FAM184A: variants seen among roughly 807,000 people sequenced by gnomAD.
The protein encoded by FAM184A is family with sequence similarity 184 member A.
FAM184A carries 99 observed loss-of-function variants against 143.8 expected under a neutral mutation model. That is an observed-to-expected ratio of 0.69 (90% CI 0.58 to 0.81). The LOEUF (loss-of-function observed/expected upper bound fraction) is 0.81, where lower values mean the gene tolerates loss of function less well. Among genes scored for constraint, FAM184A ranks in the 40% least tolerant of loss-of-function variants. The pLI is 0.00. For missense variants in FAM184A, 1,217 were observed against 1,310.5 expected, an observed-to-expected ratio of 0.93 and a Z score of 1.10; for synonymous variants, 427 against 446.4, an observed-to-expected ratio of 0.96 and a Z score of 0.55.
intron 9 of FAM184A, among the ~76,000 whole-genome samples, chr6:118,985,943 A>G (rs1784179309): frequency 6.6e-6 from 1 of 152,212 alleles, no homozygotes; most frequent in Admixed American, 6.5e-5. Context: ...TTTTAATTAT[A>G]TGATTTATTT....
At chr6:118,960,339 C>A (rs1238699959) in intron 17 of FAM184A, among the ~76,000 whole-genome samples, 155 bp from the exon 18 acceptor site, 3 of 152,170 alleles carry the variant, frequency 2.0e-5, no homozygotes, top group Non-Finnish European at 2.9e-5. Flanking sequence ...ATACTAGAAT[C>A]GGTTCTCCAC....
chr6:119,112,295 A>C (rs924921846), intron 1 of FAM184A, among the ~76,000 whole-genome samples: 3 of 151,790 alleles, frequency 2.0e-5, no homozygotes, highest in Admixed American at 6.6e-5. Flanking sequence ...TGCCCGGCTA[A>C]TTTTGTATTT....
At position 118,961,853 on chromosome 6, in the gene FAM184A, G is replaced by A; in HGVS notation, c.3249C>T (p.Pro1083=). The change falls in exon 17 of 18, where the codon CCC becomes CCT. Residue 1083 remains proline, a synonymous_variant. Transcript: ENST00000338891. ...VGNGHPNRLD[P]IPNSPVHDIE... is the part of the protein sequence containing the mutation. Reference sequence around the variant, plus strand: ...TATCGTGGACTGGAGAATTAGGAATGGGATCCAGGCGGTTAGGATGTCCAT... The same window carrying A: ...TATCGTGGACTGGAGAATTAGGAATAGGATCCAGGCGGTTAGGATGTCCAT... The A allele has an allele frequency of 6.2e-7, 1 of 1,613,850 alleles. No homozygotes were observed. Among genetic ancestry groups the A allele is most frequent in the Non-Finnish European group, 8.5e-7 (1 of 1,179,840 alleles).
chr6:118,996,680 G>A (rs1784556251), intron 9 of FAM184A, among the ~76,000 whole-genome samples: 1 of 152,010 alleles, frequency 6.6e-6, no homozygotes, highest in Non-Finnish European at 1.5e-5. Flanking sequence ...TCACTGCTTA[G>A]GGAACCTGTC....
Position 119,073,058 on chromosome 6 carries a change from A to G in FAM184A, c.159+5083T>C, listed in dbSNP as rs111332745. On this transcript the variant is annotated intron_variant, in intron 1 of 17. Coordinates refer to ENST00000338891, the MANE Select transcript of FAM184A (RefSeq NM_024581.6). ...CAGTCCCTAGAGCTGAGAACCTTAC[A>G]GTCAAATTATGAAAACAAAGTATAT... 1.7e-4 allele frequency among the ~76,000 whole-genome samples: 26 copies of G among 152,352 alleles called. 1 individual carries two copies. The highest frequency in any genetic ancestry group is 6.3e-4 in the African/African-American group (26 of 41,574).
intron 5 of FAM184A, among the ~76,000 whole-genome samples, chr6:119,012,964 G>A (rs12213597): frequency 0.13 from 19,537 of 152,148 alleles, 1,468 homozygotes; most frequent in Non-Finnish European, 0.17. Context: ...AATAGAAGTC[G>A]TCTTCAGCTA....
At chr6:119,046,942 A>G (rs1055689500) in intron 1 of FAM184A, among the ~76,000 whole-genome samples, 21 of 152,256 alleles carry the variant, frequency 1.4e-4, no homozygotes, top group Non-Finnish European at 2.6e-4. Context: ...AAGTGAAGAG[A>G]CAACCCACAG....
chr6:119,091,475 AC>A (rs1319885928), intron 1 of FAM184A, among the ~76,000 whole-genome samples: 1 of 152,220 alleles, frequency 6.6e-6, no homozygotes, highest in African/African-American at 2.4e-5. Flanking sequence ...CAGTTCAGCA[AC>A]TTGTGGATAC....
intron 3 of FAM184A, among the ~76,000 whole-genome samples, chr6:119,020,575 T>G (rs1178810700): frequency 6.6e-6 from 1 of 152,198 alleles, no homozygotes; most frequent in Non-Finnish European, 1.5e-5. Context: ...AATGAGTGAT[T>G]CGTTCTTTTC....
At chr6:118,986,811 C>T (rs2114599736) in intron 9 of FAM184A, among the ~76,000 whole-genome samples, 1 of 152,232 alleles carries the variant, frequency 6.6e-6, no homozygotes, top group African/African-American at 2.4e-5. Flanking sequence ...CCAATTAGCA[C>T]ATATGTCAAA....
chr6:119,133,632 T>C (rs1789590478), intron 1 of FAM184A, among the ~76,000 whole-genome samples: 1 of 151,984 alleles, frequency 6.6e-6, no homozygotes, highest in South Asian at 2.1e-4. Flanking sequence ...GGGTGTGATG[T>C]GGGCAAAGTG....
At chr6:118,977,740 A>G (rs1302514644) in intron 11 of FAM184A, among the ~76,000 whole-genome samples, 2 of 152,200 alleles carry the variant, frequency 1.3e-5, no homozygotes, top group Non-Finnish European at 2.9e-5. Context: ...AACATGAGTC[A>G]TCTTCATGGT....
intron 9 of FAM184A, among the ~76,000 whole-genome samples, chr6:119,000,791 C>T (rs931795808): frequency 2.6e-5 from 4 of 152,164 alleles, no homozygotes; most frequent in African/African-American, 7.2e-5. Flanking sequence ...CTATTCCTGT[C>T]TTACTCCTTT....
At chr6:119,067,922 T>A (rs181719696) in intron 1 of FAM184A, among the ~76,000 whole-genome samples, 74 of 152,204 alleles carry the variant, frequency 4.9e-4, no homozygotes, top group African/African-American at 1.7e-3. Context: ...CAGCAAGCTA[T>A]GATGGCACCC....
chr6:119,144,500 C>T (rs2114896123), intron 1 of FAM184A, among the ~76,000 whole-genome samples: 1 of 152,360 alleles, frequency 6.6e-6, no homozygotes, highest in Middle Eastern at 3.4e-3. Context: ...CACTCTGCCA[C>T]TGTTAGTCCA....
intron 9 of FAM184A, among the ~76,000 whole-genome samples, chr6:118,997,646 A>G (rs537352529): frequency 6.6e-6 from 1 of 152,018 alleles, no homozygotes; most frequent in South Asian, 2.1e-4. Context: ...CAGTGGGCTG[A>G]GATTGCACAA....
chr6:118,970,017 T>A lies in FAM184A; in HGVS notation c.2916-3065A>T, dbSNP rs1415304015. ...TAATATATATATATATATTTTTTTT[T>A]TTTTGAGATGGAGTTTTGTTCTGTC... On this transcript the variant is annotated intron_variant, in intron 14 of 17. Coordinates refer to ENST00000338891, the MANE Select transcript of FAM184A (RefSeq NM_024581.6). Among the ~76,000 whole-genome samples, 616 of 81,488 alleles carry A rather than the reference T, an allele frequency of 7.6e-3. 147 individuals carry two copies. The highest frequency in any genetic ancestry group is 0.026 in the African/African-American group (603 of 22,802). 53.5% of individuals were successfully genotyped at this position (81,488 alleles called of 152,430 possible). A position where few individuals can be genotyped will look rare whatever the true frequency, so the allele number is the denominator to read the frequency against.
intron 17 of FAM184A, among the ~76,000 whole-genome samples, chr6:118,961,448 ATTG>A (rs777434309): frequency 1.5e-4 from 23 of 151,714 alleles, no homozygotes; most frequent in Non-Finnish European, 2.5e-4. Flanking sequence ...ATAAGGATGG[ATTG>A]TTAATTTAAA....
chr6:119,149,016 G>A (rs1400250756), intron 1 of FAM184A: 1 of 152,150 alleles, frequency 6.6e-6, no homozygotes, highest in African/African-American at 2.4e-5. Flanking sequence ...TAAATAGTCT[G>A]CCGGTTGCTA....
Sources: allele counts gnomAD v4.1 joint callset (sites outside exome capture counted in the v4.1 genomes callset), GRCh38; gene constraint gnomAD v4.1.1; transcripts MANE v1.5; gene names NCBI Gene and HGNC (gene_info 2026-07-23, HGNC 2026-07-21).